LMTK2: variants seen among roughly 807,000 people sequenced by gnomAD.
LMTK2 encodes the protein lemur tail kinase 2.
In LMTK2, 37 loss-of-function variants were observed where a neutral mutation model predicts 127.5. The observed-to-expected ratio is 0.29, with a 90% CI of 0.22 to 0.38. The LOEUF is 0.38. LMTK2 is among the 10% of genes least tolerant of loss of function. The probability of loss-of-function intolerance (pLI) is 1.00; values close to 1 mark genes in which losing one functional copy is unlikely to be tolerated. For synonymous variants in LMTK2, 819 were observed against 810.1 expected, an observed-to-expected ratio of 1.01 and a Z score of -0.19; for missense variants, 1,694 against 1,920.3, an observed-to-expected ratio of 0.88 and a Z score of 2.20.
At chr7:98,180,919 G>A (rs57722543) in intron 7 of LMTK2, among the ~76,000 whole-genome samples, 2,288 of 152,124 alleles carry the variant, frequency 0.015, 53 homozygotes, top group African/African-American at 0.052. Context: ...TTCCGGTTCC[G>A]TGAGCGCCCG....
At chr7:98,203,810 A>G in intron 12 of LMTK2, 104 bp downstream of exon 12, 5 of 1,570,900 alleles carry the variant, frequency 3.2e-6, no homozygotes, top group South Asian at 2.2e-5. Flanking sequence ...GCCCCCTGAC[A>G]TGGGCACAGA....
At chr7:98,110,703 C>T (rs1796189532) in intron 1 of LMTK2, among the ~76,000 whole-genome samples, 1 of 152,184 alleles carries the variant, frequency 6.6e-6, no homozygotes, top group Non-Finnish European at 1.5e-5. Context: ...TAAGCTCACA[C>T]TTTCTTATTA....
chr7:98,155,323 TA>T (rs2116394098), intron 5 of LMTK2, among the ~76,000 whole-genome samples: 1 of 152,350 alleles, frequency 6.6e-6, no homozygotes, highest in Non-Finnish European at 1.5e-5. Flanking sequence ...GATCCAGCAT[TA>T]TTCATGTCAT....
chr7:98,147,914 G>A (rs758805351), intron 3 of LMTK2, among the ~76,000 whole-genome samples: 1 of 152,112 alleles, frequency 6.6e-6, no homozygotes, highest in African/African-American at 2.4e-5. Context: ...CATGACAGTT[G>A]ATGTAAAGTC....
At chr7:98,186,748 G>T in intron 8 of LMTK2, 129 bp from the exon 9 acceptor site, 1 of 784,666 alleles carries the variant, frequency 1.3e-6, no homozygotes, top group Non-Finnish European at 2.0e-6. Flanking sequence ...CACTCTTCAT[G>T]CCTGCTTTTT....
At chr7:98,140,470 T>C (rs1796679998) in intron 2 of LMTK2, among the ~76,000 whole-genome samples, 1 of 152,058 alleles carries the variant, frequency 6.6e-6, no homozygotes, top group African/African-American at 2.4e-5. Context: ...AGTTGTAAAG[T>C]TGTCATCTTT....
rs998320934 is a variant in LMTK2 at position 98,171,716 on chromosome 7, G to T, written c.791+42G>T. The T allele has an allele frequency of 8.6e-6, 13 of 1,518,852 alleles. No homozygotes were observed. Among genetic ancestry groups the T allele is most frequent in the Non-Finnish European group, 1.1e-5 (12 of 1,139,496 alleles). The allele number at this position is 1,518,852 out of a possible 1,614,324, so 94.1% of individuals were successfully genotyped here. On this transcript the variant is annotated intron_variant, in intron 7 of 13. Transcript: ENST00000297293. This position sits in a 1 kb window ranked among gnomAD's most constrained non-coding sequence, Gnocchi z 5.1. ...GCGGTGCACGCCCCACACAGCACCG[G>T]CGGGACAGTCCAGAGAGGCTGCCGA...
chr7:98,146,290 A>G (rs1796771585), intron 3 of LMTK2, among the ~76,000 whole-genome samples: 1 of 152,126 alleles, frequency 6.6e-6, no homozygotes, highest in Non-Finnish European at 1.5e-5. Flanking sequence ...ATTTTTCAAA[A>G]TCCTTTTGCC....
Position 98,184,967 on chromosome 7 carries a change from GAA to G in LMTK2, c.792-82_792-81del, listed in dbSNP as rs553903334. The G allele has an allele frequency of 8.3e-4, 803 of 961,976 alleles. 3 individuals carry two copies. The African/African-American group carries it at 0.011, about 14-fold the overall frequency. 59.6% of individuals were successfully genotyped at this position (961,976 alleles called of 1,614,324 possible). A position where few individuals can be genotyped will look rare whatever the true frequency, so the allele number is the denominator to read the frequency against. On this transcript the variant is annotated intron_variant, in intron 7 of 13. Transcript: ENST00000297293. Reference sequence around the variant, plus strand: ...CAATATACTTACTCGGATCCCGAGAGAAAGCCCATTTCTGTGGCATTTCCATA... The same window carrying G: ...CAATATACTTACTCGGATCCCGAGAGAGCCCATTTCTGTGGCATTTCCATA...
intron 9 of LMTK2, among the ~76,000 whole-genome samples, 167 bp downstream of exon 9, chr7:98,187,165 A>G (rs1020038416): frequency 6.6e-6 from 1 of 152,226 alleles, no homozygotes; most frequent in Non-Finnish European, 1.5e-5. Context: ...AATTATCACA[A>G]TTGTGGTGAT....
Position 98,154,872 on chromosome 7 carries a change from T to A in LMTK2, c.565T>A (p.Tyr189Asn), listed in dbSNP as rs1444055521. 1 of 1,560,596 alleles carries A rather than the reference T, an allele frequency of 6.4e-7. No homozygotes were observed. The highest frequency in any genetic ancestry group is 1.4e-5 in the African/African-American group (1 of 73,824). The change falls in exon 5 of 14, where the codon TAC becomes AAC. Residue 189 changes from tyrosine (Y) to asparagine (N), a missense_variant. Around this residue, in one of 8 missense-constraint regions of LMTK2, gnomAD observed 203 missense variants for 226.2 expected, o/e 0.90. Transcript: ENST00000297293. ...QDTFLKNGEP[Y>N]YILQHPNILQ... Reference sequence around the variant, plus strand: ...TACTTTTTTGAAAAATGGAGAACCTTACTAGTAAGTAAACCTTGTCATGTG... The same window carrying A: ...TACTTTTTTGAAAAATGGAGAACCTAACTAGTAAGTAAACCTTGTCATGTG...
At chr7:98,201,037 T>C (rs1797697862) in intron 11 of LMTK2, among the ~76,000 whole-genome samples, 1 of 152,156 alleles carries the variant, frequency 6.6e-6, no homozygotes, top group Admixed American at 6.5e-5. Context: ...CTCTCTTTTT[T>C]TTAAAAACCC....
At chr7:98,162,105 A>G (rs934686359) in intron 6 of LMTK2, among the ~76,000 whole-genome samples, 7 of 152,014 alleles carry the variant, frequency 4.6e-5, no homozygotes, top group African/African-American at 1.7e-4. Flanking sequence ...GACCTTGTCC[A>G]CTCCGCTTCA....
chr7:98,186,818 C>A lies in LMTK2; in HGVS notation c.877-59C>A, dbSNP rs540651050. On this transcript the variant is annotated intron_variant, in intron 8 of 13. Transcript: ENST00000297293. ...TCTGAGAATACCATGGATTTAAATT[C>A]TTGAACTCACCAAAAGTATAATTCT... 11 of 1,488,384 alleles carry A rather than the reference C, an allele frequency of 7.4e-6. 1 individual carries two copies. Among genetic ancestry groups the A allele is most frequent in the Middle Eastern group, 1.7e-4 (1 of 5,754 alleles). The allele number at this position is 1,488,384 out of a possible 1,614,324, so 92.2% of individuals were successfully genotyped here.
chr7:98,187,763 A>G (rs1469217897), intron 9 of LMTK2, among the ~76,000 whole-genome samples: 1 of 152,046 alleles, frequency 6.6e-6, no homozygotes, highest in East Asian at 1.9e-4. Context: ...AATATGTACT[A>G]CCACACCATT....
intron 5 of LMTK2, among the ~76,000 whole-genome samples, chr7:98,156,422 G>A (rs1796925868): frequency 1.3e-5 from 2 of 151,312 alleles, no homozygotes; most frequent in Non-Finnish European, 2.9e-5. Context: ...CCGAGATCAC[G>A]CCACTGCACT....
In LMTK2 at chr7:98,185,014, G is replaced by T; in HGVS notation, c.792-37G>T. 2.0e-6 allele frequency: 3 copies of T among 1,472,120 alleles called. No homozygotes were observed. The South Asian group carries it at 3.4e-5, about 17-fold the overall frequency. The allele number at this position is 1,472,120 out of a possible 1,614,324, so 91.2% of individuals were successfully genotyped here. ...TCCATACAGCATGATCCTGGTTGTT[G>T]ATTCTTCTTGCCATGTTCACTTCCC... On this transcript the variant is annotated intron_variant, in intron 7 of 13. Transcript: ENST00000297293.
rs1448196238 is a variant in LMTK2 at position 98,137,359 on chromosome 7, C to T, written c.148C>T (p.Leu50=). Reference sequence around the variant, plus strand: ...AGAAGTTTCCTCATCTTTTGTGATCCTGTGTGTGTGCAGTTTAATAATATT... The same window carrying T: ...AGAAGTTTCCTCATCTTTTGTGATCTTGTGTGTGTGCAGTTTAATAATATT... ...AAEVSSSFVI[L]CVCSLIILIV... The change falls in exon 2 of 14, where the codon CTG becomes TTG. Residue 50 remains leucine (L), a synonymous_variant. Coordinates refer to ENST00000297293, the MANE Select transcript of LMTK2 (RefSeq NM_014916.4). The T allele has an allele frequency of 8.1e-6, 13 of 1,613,306 alleles. No homozygotes were observed. The highest frequency in any genetic ancestry group is 1.1e-5 in the South Asian group (1 of 90,886).
At chr7:98,136,548 C>A (rs1282905430) in intron 1 of LMTK2, among the ~76,000 whole-genome samples, 1 of 152,218 alleles carries the variant, frequency 6.6e-6, no homozygotes, top group African/African-American at 2.4e-5. Flanking sequence ...AGCTTACGTC[C>A]GTTCCCTGTG....
Sources: gnomAD v4.1 joint callset for allele counts (sites outside exome capture counted in the v4.1 genomes callset) on GRCh38, gnomAD v4.1.1 for gene constraint, gnomAD v4.1.1 regional missense constraint, Gnocchi (gnomAD v3.1) non-coding constraint, MANE v1.5 for transcripts, NCBI Gene and HGNC (gene_info 2026-07-23, HGNC 2026-07-21) for gene names.